Variants in CELF1 observed in about 807,000 individuals in gnomAD.
The protein encoded by CELF1 is 50 kDa nuclear polyadenylated RNA-binding protein.
CELF1 carries 10 observed loss-of-function variants against 61.8 expected under a neutral mutation model. The observed-to-expected ratio is 0.16, with a 90% CI of 0.10 to 0.27. The LOEUF (loss-of-function observed/expected upper bound fraction) is 0.27. Among genes scored for constraint, CELF1 ranks in the 10% least tolerant of loss-of-function variants. The pLI is 1.00. For missense variants in CELF1, 380 were observed against 639.1 expected, an observed-to-expected ratio of 0.59 and a Z score of 4.37; for synonymous variants, 236 against 225.1, an observed-to-expected ratio of 1.05 and a Z score of -0.43.
rs1486043962 is a variant in CELF1 at position 47,470,532 on chromosome 11, G to C, written c.*1698C>G. ...AGGAACAGCTGTCCCAGCTTCAATG[G>C]GATAATCCAACACCACCAGCTACCT... On this transcript the variant is annotated 3_prime_UTR_variant, in exon 15 of 15. Coordinates refer to ENST00000687097, the MANE Select transcript of CELF1 (RefSeq NM_001376376.1). 1 of 152,084 alleles carries C rather than the reference G, an allele frequency of 6.6e-6. No individual in the cohort carries two copies. The highest frequency in any genetic ancestry group is 1.9e-4 in the East Asian group (1 of 5,186). The allele number at this position is 152,084 out of a possible 1,614,324, so 9.4% of individuals were successfully genotyped here. A position where few individuals can be genotyped will look rare whatever the true frequency, so the allele number is the denominator to read the frequency against.
chr11:47,558,452 T>A (rs1049381274), intron 2 of CELF1, among the ~76,000 whole-genome samples: 1 of 130,836 alleles, frequency 7.6e-6, no homozygotes, highest in Non-Finnish European at 1.5e-5. Flanking sequence ...TATATATATA[T>A]AATATATTAG....
intron 1 of CELF1, among the ~76,000 whole-genome samples, chr11:47,509,602 T>A (rs980488342): frequency 6.6e-6 from 1 of 151,816 alleles, no homozygotes; most frequent in African/African-American, 2.4e-5. Context: ...GCAAAAAAAA[T>A]GTAGGGAACA....
intron 1 of CELF1, among the ~76,000 whole-genome samples, chr11:47,534,048 CAT>C (rs1428835849): frequency 1.5e-5 from 1 of 68,186 alleles, no homozygotes; most frequent in African/African-American, 5.0e-5. Context: ...TTTTTTTGGA[CAT>C]AGAGTTTCAC....
rs2077278253 is a variant in CELF1 at position 47,469,752 on chromosome 11, C to T, written c.*2478G>A. 1 of 152,282 alleles carries T rather than the reference C, an allele frequency of 6.6e-6. No homozygotes were observed. The highest frequency in any genetic ancestry group is 6.5e-5 in the Admixed American group (1 of 15,284). 9.4% of individuals were successfully genotyped at this position (152,282 alleles called of 1,614,324 possible). A position where few individuals can be genotyped will look rare whatever the true frequency, so the allele number is the denominator to read the frequency against. On this transcript the variant is annotated 3_prime_UTR_variant, in exon 15 of 15. Coordinates refer to ENST00000687097, the MANE Select transcript of CELF1 (RefSeq NM_001376376.1). ...ATTCCTTTTAGAAAAGAAAACCCAT[C>T]AGCAGGTATGAAGCCCTCAGGGTCT...
rs781146077 is a variant in CELF1, at chr11:47,506,392, G to A, written c.-153-5460C>T. ...TGCAGTGAGCCAAGATCGCGCCACT[G>A]CTCTCCAGCCTGGGTGACAGAGCGA... On this transcript the variant is annotated intron_variant, in intron 1 of 14. Transcript: ENST00000687097. Among the ~76,000 whole-genome samples, 340 of 142,120 alleles carry A rather than the reference G, an allele frequency of 2.4e-3. 7 individuals carry two copies. The highest frequency in any genetic ancestry group is 0.015 in the Middle Eastern group (4 of 264). 93.2% of individuals were successfully genotyped at this position (142,120 alleles called of 152,430 possible). A position where few individuals can be genotyped will look rare whatever the true frequency, so the allele number is the denominator to read the frequency against.
intron 1 of CELF1, chr11:47,523,123 T>C (rs1382308413): frequency 6.6e-6 from 1 of 152,114 alleles, no homozygotes; most frequent in African/African-American, 2.4e-5. Flanking sequence ...CATGAAGCTT[T>C]CAAAATGGAC....
chr11:47,473,875 T>C (rs919808359), intron 13 of CELF1, among the ~76,000 whole-genome samples: 1 of 152,172 alleles, frequency 6.6e-6, no homozygotes, highest in Non-Finnish European at 1.5e-5. Flanking sequence ...ACATTCTTCA[T>C]CTGACTATTT....
In CELF1 at chr11:47,482,801, T is replaced by C. The variant is rs2084134877; in HGVS notation, c.662A>G (p.Gln221Arg). The change falls in exon 9 of 15, where the codon CAG becomes CGG. Residue 221 changes from glutamine (Q) to arginine (R), a missense_variant. By Grantham distance (43) the Gln-to-Arg change is conservative. Transcript: ENST00000687097. ...CTGGAGCTGCTGGGCCATTCTCTTC[T>C]GTTCTTTGTCCTTCTGTGTATCAGC... ...KFADTQKDKE[Q>R]KRMAQQLQQQ... 2 of 1,614,208 alleles carry C rather than the reference T, an allele frequency of 1.2e-6. No homozygotes were observed. Among genetic ancestry groups the C allele is most frequent in the South Asian group, 2.2e-5 (2 of 91,084 alleles).
At chr11:47,548,499 C>T (rs557207738) in intron 1 of CELF1, among the ~76,000 whole-genome samples, 3 of 152,154 alleles carry the variant, frequency 2.0e-5, no homozygotes, top group Admixed American at 1.3e-4. Flanking sequence ...AGCATACAAT[C>T]GACAAAGTGA....
chr11:47,478,187 G>C (rs1239776283), intron 10 of CELF1, among the ~76,000 whole-genome samples: 8 of 152,162 alleles, frequency 5.3e-5, no homozygotes, highest in Non-Finnish European at 1.2e-4. Context: ...CTGAGACAAA[G>C]TGAATGACTA....
chr11:47,535,149 G>A (rs1207996236), intron 1 of CELF1, among the ~76,000 whole-genome samples: 1 of 151,932 alleles, frequency 6.6e-6, no homozygotes, highest in African/African-American at 2.4e-5. Flanking sequence ...GCTACCCTAC[G>A]CCTGATCCAT....
At chr11:47,507,715 C>G (rs754094077) in intron 1 of CELF1, among the ~76,000 whole-genome samples, 1 of 152,112 alleles carries the variant, frequency 6.6e-6, no homozygotes, top group Non-Finnish European at 1.5e-5. Flanking sequence ...TACAAGAATT[C>G]TGAAAGACAA....
At chr11:47,490,752 C>A (rs1340297709) in intron 3 of CELF1, among the ~76,000 whole-genome samples, 1 of 151,718 alleles carries the variant, frequency 6.6e-6, no homozygotes, top group Non-Finnish European at 1.5e-5. Context: ...TAAACAACAA[C>A]AAAAAAATCA....
chr11:47,498,324 G>A (rs1385524847), intron 3 of CELF1, among the ~76,000 whole-genome samples: 1 of 152,150 alleles, frequency 6.6e-6, no homozygotes, highest in African/African-American at 2.4e-5. Flanking sequence ...AGGACTGCTT[G>A]AGCCCAGGAG....
rs191108105 is a variant in CELF1, at chr11:47,467,310, G to A, written c.*4920C>T. ...AGTCTCCAAGACCCTGAGGCTGGAT[G>A]GTGCCACAAGAGAGGAGGGTCAGTT... On this transcript the variant is annotated 3_prime_UTR_variant, in exon 15 of 15. Coordinates refer to ENST00000687097, the MANE Select transcript of CELF1 (RefSeq NM_001376376.1). 1.3e-5 allele frequency: 2 copies of A among 152,354 alleles called. No homozygotes were observed. The highest frequency in any genetic ancestry group is 1.3e-4 in the Admixed American group (2 of 15,294). 9.4% of individuals were successfully genotyped at this position (152,354 alleles called of 1,614,324 possible).
chr11:47,469,854 G>A lies in CELF1; in HGVS notation c.*2376C>T, dbSNP rs544860635. 2 of 152,416 alleles carry A rather than the reference G, an allele frequency of 1.3e-5. No homozygotes were observed. Among genetic ancestry groups the A allele is most frequent in the African/African-American group, 4.8e-5 (2 of 41,566 alleles). 9.4% of individuals were successfully genotyped at this position (152,416 alleles called of 1,614,324 possible). On this transcript the variant is annotated 3_prime_UTR_variant, in exon 15 of 15. Transcript: ENST00000687097. ...GGGTTTCATAAGGTCCCAGAGCCCAGGACAAATCCATGGACAAATAATGGT... is the reference window on the plus strand; with the variant it reads ...GGGTTTCATAAGGTCCCAGAGCCCAAGACAAATCCATGGACAAATAATGGT...
intron 1 of CELF1, among the ~76,000 whole-genome samples, chr11:47,531,552 G>C (rs1466777894): frequency 7.7e-6 from 1 of 130,080 alleles, no homozygotes; most frequent in Non-Finnish European, 1.6e-5. Context: ...CTGGGCAACA[G>C]AGCGAGACTC....
chr11:47,539,125 A>C (rs1482396204), intron 1 of CELF1, among the ~76,000 whole-genome samples: 1 of 152,214 alleles, frequency 6.6e-6, no homozygotes, highest in African/African-American at 2.4e-5. Flanking sequence ...AAATTCTCTA[A>C]AACTGATGGC....
chr11:47,515,923 T>C (rs2095525525), intron 1 of CELF1, among the ~76,000 whole-genome samples: 1 of 152,134 alleles, frequency 6.6e-6, no homozygotes, highest in South Asian at 2.1e-4. Context: ...TATTTACTTA[T>C]TTATTTTTTT....
Sources: allele counts gnomAD v4.1 joint callset (sites outside exome capture counted in the v4.1 genomes callset), GRCh38; gene constraint gnomAD v4.1.1; transcripts MANE v1.5; gene names NCBI Gene and HGNC (gene_info 2026-07-23, HGNC 2026-07-21).